The following ATP11A variants were observed in gnomAD, a reference collection of about 807,000 sequenced individuals.
ATP11A encodes phospholipid-transporting ATPase IH.
A neutral mutation model predicts 154.4 loss-of-function variants in ATP11A; 81 were observed. The observed-to-expected ratio is 0.52, with a 90% CI of 0.44 to 0.63. ATP11A has a LOEUF of 0.63. Ranked by LOEUF, ATP11A falls within the 30% of genes least tolerant of loss-of-function variation. ATP11A has a pLI of 0.00. For synonymous variants in ATP11A, 623 were observed against 585.9 expected (o/e 1.06, Z -0.91); for missense variants, 1,316 against 1,474.3 (o/e 0.89, Z 1.76).
At chr13:112,747,849 A>C (rs1594526776) in intron 1 of ATP11A, among the ~76,000 whole-genome samples, 1 of 145,124 alleles carries the variant, frequency 6.9e-6, no homozygotes, top group African/African-American at 2.5e-5. Flanking sequence ...AAAAAAAAAC[A>C]AAACAAAACG....
chr13:112,810,488 G>GAA lies in ATP11A; in HGVS notation c.334-127_334-126dup, dbSNP rs891780141. 1.3e-5 allele frequency: 10 copies of GAA among 740,830 alleles called. No homozygotes were observed. In the African/African-American group the frequency reaches 1.6e-4, roughly 12 times the overall value. 45.9% of individuals were successfully genotyped at this position (740,830 alleles called of 1,614,324 possible). On this transcript the variant is annotated intron_variant, in intron 4 of 29. Coordinates refer to ENST00000375645, the MANE Select transcript of ATP11A (RefSeq NM_015205.3). ...AGTGTGTGTAGTGCATCCTCATGCT[G>GAA]AAAAATACACCCCCACAGGCTTGGA...
chr13:112,744,183 C>T (rs1023970566), intron 1 of ATP11A, among the ~76,000 whole-genome samples: 7 of 152,136 alleles, frequency 4.6e-5, no homozygotes, highest in African/African-American at 1.7e-4. Context: ...TCCCAGCACC[C>T]GGTTTGGGAC....
chr13:112,816,013 G>A lies in ATP11A; in HGVS notation c.442-70G>A, dbSNP rs1317413531. 25 of 1,596,964 alleles carry A rather than the reference G, an allele frequency of 1.6e-5. No homozygotes were observed. In the East Asian group the frequency reaches 2.0e-4, roughly 13 times the overall value. ...AATAGATGAGCAGCTTGAGGGAAGC[G>A]GTCCCACAGGACGGGCAAGCTTTCA... On this transcript the variant is annotated intron_variant, in intron 5 of 29. Transcript: ENST00000375645.
chr13:112,783,848 T>C (rs2077558120), intron 1 of ATP11A, among the ~76,000 whole-genome samples: 1 of 152,214 alleles, frequency 6.6e-6, no homozygotes, highest in Non-Finnish European at 1.5e-5. Context: ...GAAATATTTC[T>C]TGTCAGAGCT....
chr13:112,883,335 TAAAG>T lies in ATP11A; in HGVS notation c.*1472_*1475del, dbSNP rs1173524518. 5.0e-6 allele frequency: 2 copies of T among 397,324 alleles called. No homozygotes were observed. The highest frequency in any genetic ancestry group is 4.4e-5 in the Admixed American group (1 of 22,702). 24.6% of individuals were successfully genotyped at this position (397,324 alleles called of 1,614,324 possible). ...TATTTGACATAGCCTTAATGGTCCT[TAAAG>T]AAGACATTTCAGTGTGAGATTCAGA... On this transcript the variant is annotated 3_prime_UTR_variant, in exon 30 of 30. Coordinates refer to ENST00000375645, the MANE Select transcript of ATP11A (RefSeq NM_015205.3).
At chr13:112,880,840 G>T in intron 29 of ATP11A, 1 of 1,127,204 alleles carries the variant, frequency 8.9e-7, no homozygotes, top group Non-Finnish European at 1.1e-6. Context: ...ACCACACATG[G>T]AACATGCTGT....
At chr13:112,783,899 A>G (rs1278216448) in intron 1 of ATP11A, among the ~76,000 whole-genome samples, 1 of 152,226 alleles carries the variant, frequency 6.6e-6, no homozygotes, top group African/African-American at 2.4e-5. Flanking sequence ...CGAGTAATAC[A>G]GAGATGGTCA....
chr13:112,765,230 A>G (rs1427603919), intron 1 of ATP11A, among the ~76,000 whole-genome samples: 1 of 135,900 alleles, frequency 7.4e-6, no homozygotes, highest in Non-Finnish European at 1.5e-5. Context: ...AGAGGTGAGG[A>G]GGAGCAGCAG....
intron 1 of ATP11A, among the ~76,000 whole-genome samples, chr13:112,777,283 G>T (rs1353265926): frequency 6.6e-6 from 1 of 152,202 alleles, no homozygotes; most frequent in Non-Finnish European, 1.5e-5. Flanking sequence ...AATAACTAAG[G>T]CTGGGCATGG....
At chr13:112,848,113 C>T (rs974421344) in intron 17 of ATP11A, among the ~76,000 whole-genome samples, 4 of 152,150 alleles carry the variant, frequency 2.6e-5, no homozygotes, top group South Asian at 2.1e-4. Flanking sequence ...GGAGGAAGGG[C>T]GGGAGGGAAG....
At chr13:112,858,099 G>C (rs1381334584) in intron 21 of ATP11A, 46 bp from the exon 22 acceptor site, 2 of 1,602,168 alleles carry the variant, frequency 1.2e-6, no homozygotes, top group East Asian at 4.5e-5. Flanking sequence ...CCCTGTGTGT[G>C]GTGTGCAGAA....
At chr13:112,756,256 T>C (rs992716490) in intron 1 of ATP11A, among the ~76,000 whole-genome samples, 3 of 152,250 alleles carry the variant, frequency 2.0e-5, no homozygotes, top group Non-Finnish European at 2.9e-5. Flanking sequence ...CGATTCTGGC[T>C]GGCTGTGCGA....
At chr13:112,829,274 C>T (rs2079028646) in intron 12 of ATP11A, among the ~76,000 whole-genome samples, 2 of 152,266 alleles carry the variant, frequency 1.3e-5, no homozygotes, top group South Asian at 4.1e-4. Flanking sequence ...GACTGTCCCA[C>T]CACCAGAAAA....
In ATP11A at chr13:112,831,401, C is replaced by T. The variant is rs770216011; in HGVS notation, c.1248C>T (p.Thr416=). 40 of 1,613,960 alleles carry T rather than the reference C, an allele frequency of 2.5e-5. No homozygotes were observed. The highest frequency in any genetic ancestry group is 1.0e-4 in the Admixed American group (6 of 59,990). Residue 416 remains threonine, a synonymous_variant, in exon 13 of 30, where the codon ACC becomes ACT. Transcript: ENST00000375645. ...GQVEYIFTDK[T]GTLTENNMEF... Reference sequence around the variant, plus strand: ...TGGAGTACATCTTCACAGACAAGACCGGCACCCTCACGGAAAACAACATGG... The same window carrying T: ...TGGAGTACATCTTCACAGACAAGACTGGCACCCTCACGGAAAACAACATGG...
At chr13:112,784,249 T>TCATTGCCATGGA (rs1197948078) in intron 1 of ATP11A, among the ~76,000 whole-genome samples, 1 of 152,200 alleles carries the variant, frequency 6.6e-6, no homozygotes, top group Non-Finnish European at 1.5e-5. Flanking sequence ...GGCGATCGGG[T>TCATTGCCATGGA]CATTGCCATG....
chr13:112,832,780 G>GT (rs1267118040), intron 13 of ATP11A, 80 bp from the exon 14 acceptor site: 46 of 1,521,032 alleles, frequency 3.0e-5, no homozygotes, highest in Non-Finnish European at 4.0e-5. Context: ...CCCGCTTCTT[G>GT]TTATCTCTCT....
chr13:112,870,904 G>A (rs1041235984), intron 25 of ATP11A, among the ~76,000 whole-genome samples: 1 of 152,168 alleles, frequency 6.6e-6, no homozygotes, highest in Non-Finnish European at 1.5e-5. Context: ...CTCACGGGTC[G>A]GGCACGCGGT....
chr13:112,701,702 G>A lies in ATP11A; in HGVS notation c.39+11247G>A, dbSNP rs183764259. On this transcript the variant is annotated intron_variant, in intron 1 of 29. Transcript: ENST00000375645. ...AAAAAAATTAGCTGGGCGTGGTGGC[G>A]GGCGCCTGTAGTCCCAGCTACTCGG... Among the ~76,000 whole-genome samples, 931 of 152,170 alleles carry A rather than the reference G, an allele frequency of 6.1e-3. 10 individuals are homozygous for A. Among genetic ancestry groups the A allele is most frequent in the African/African-American group, 0.021 (883 of 41,530 alleles).
At chr13:112,738,738 G>A (rs112177115) in intron 1 of ATP11A, among the ~76,000 whole-genome samples, 368 of 109,838 alleles carry the variant, frequency 3.4e-3, no homozygotes, top group African/African-American at 0.011. Context: ...TCCTCCCCCA[G>A]GTCCCAGCCG....
Sources: gnomAD v4.1 joint callset for allele counts (sites outside exome capture counted in the v4.1 genomes callset) on GRCh38, gnomAD v4.1.1 for gene constraint, MANE v1.5 for transcripts, NCBI Gene and HGNC (gene_info 2026-07-23, HGNC 2026-07-21) for gene names.